Variants in KCNAB1 observed in about 807,000 individuals in gnomAD.
The protein encoded by KCNAB1 is potassium voltage-gated channel subfamily A regulatory beta subunit 1.
In KCNAB1, 35 loss-of-function variants were observed where a neutral mutation model predicts 64.6. The observed-to-expected ratio is 0.54, with a 90% CI of 0.41 to 0.72. The LOEUF (loss-of-function observed/expected upper bound fraction) is 0.72, where lower values mean the gene tolerates loss of function less well. KCNAB1 is among the 30% of genes least tolerant of loss of function. The pLI, the probability that KCNAB1 is intolerant of heterozygous loss-of-function variation, is 0.00. For synonymous variants in KCNAB1, 177 were observed against 183.8 expected (o/e 0.96, Z 0.30); for missense variants, 401 against 512.9 (o/e 0.78, Z 2.11).
At chr3:156,148,778 G>A (rs920169153) in intron 1 of KCNAB1, among the ~76,000 whole-genome samples, 1 of 151,884 alleles carries the variant, frequency 6.6e-6, no homozygotes, top group Non-Finnish European at 1.5e-5. Context: ...TAGAGGGACA[G>A]AAAATAAACA....
intron 1 of KCNAB1, among the ~76,000 whole-genome samples, chr3:156,226,244 G>A (rs1403822666): frequency 6.6e-6 from 1 of 152,150 alleles, no homozygotes; most frequent in East Asian, 1.9e-4. Context: ...ACAGAATAGA[G>A]AACCCAGAAA....
At chr3:156,348,587 G>A (rs1331687939) in intron 1 of KCNAB1, among the ~76,000 whole-genome samples, 10 of 152,196 alleles carry the variant, frequency 6.6e-5, no homozygotes, top group Admixed American at 5.2e-4. Flanking sequence ...GACATGTAAG[G>A]TTTGAGATAA....
chr3:156,518,177 A>G (rs944203104), intron 11 of KCNAB1, among the ~76,000 whole-genome samples: 18 of 152,210 alleles, frequency 1.2e-4, no homozygotes, highest in African/African-American at 4.1e-4. Context: ...AAATATTTCT[A>G]TTGGTGACTT....
chr3:156,482,526 A>C (rs1714898687), intron 8 of KCNAB1, among the ~76,000 whole-genome samples: 1 of 151,774 alleles, frequency 6.6e-6, no homozygotes, highest in Non-Finnish European at 1.5e-5. Context: ...AGTTAGGATG[A>C]CCTAATAGGA....
chr3:156,140,434 T>C (rs58648106), intron 1 of KCNAB1, among the ~76,000 whole-genome samples: 1 of 152,152 alleles, frequency 6.6e-6, no homozygotes. Flanking sequence ...CTCTTCCCGG[T>C]TGAAGGGCCG....
chr3:156,523,112 A>T (rs1347251636), intron 11 of KCNAB1, among the ~76,000 whole-genome samples: 1 of 152,204 alleles, frequency 6.6e-6, no homozygotes, highest in Non-Finnish European at 1.5e-5. Flanking sequence ...GATCAGGGTC[A>T]GTTTCTTCTC....
At chr3:156,526,320 G>A (rs772157359) in intron 12 of KCNAB1, among the ~76,000 whole-genome samples, 16 of 152,160 alleles carry the variant, frequency 1.1e-4, no homozygotes, top group Non-Finnish European at 1.3e-4. Flanking sequence ...GCTATGGGAT[G>A]CATAACTGTA....
chr3:156,492,501 C>T (rs190989363), intron 8 of KCNAB1, among the ~76,000 whole-genome samples: 152 of 152,108 alleles, frequency 1.0e-3, no homozygotes, highest in Middle Eastern at 3.4e-3. Context: ...GAGAAGTACC[C>T]AGCCAATCCT....
chr3:156,419,521 AAAAAG>A (rs1468729984), intron 1 of KCNAB1, among the ~76,000 whole-genome samples: 2 of 151,872 alleles, frequency 1.3e-5, no homozygotes, highest in African/African-American at 2.4e-5. Flanking sequence ...AAAAAAAAAA[AAAAAG>A]AAAGAAAAGA....
chr3:156,349,852 A>T (rs1231919129), intron 1 of KCNAB1, among the ~76,000 whole-genome samples: 4 of 152,350 alleles, frequency 2.6e-5, no homozygotes, highest in Admixed American at 6.5e-5. Context: ...GGCATAAGCC[A>T]CTGTGCTCAG....
At chr3:156,230,094 G>A (rs368473050) in intron 1 of KCNAB1, among the ~76,000 whole-genome samples, 1 of 152,150 alleles carries the variant, frequency 6.6e-6, no homozygotes, top group South Asian at 2.1e-4. Flanking sequence ...ACAATACTTA[G>A]AATTGTTATC....
chr3:156,418,421 AACTC>A (rs1715241015), intron 1 of KCNAB1, among the ~76,000 whole-genome samples: 1 of 152,248 alleles, frequency 6.6e-6, no homozygotes, highest in East Asian at 1.9e-4. Context: ...CAAGCTGCTG[AACTC>A]ATTAGATCAA....
chr3:156,412,736 GAGCT>G (rs150485078), intron 1 of KCNAB1, among the ~76,000 whole-genome samples: 4,603 of 152,290 alleles, frequency 0.03, 105 homozygotes, highest in African/African-American at 0.063. Flanking sequence ...AGCAGGCCAG[GAGCT>G]AGCTATCTGT....
At chr3:156,241,319 C>T (rs1717150460) in intron 1 of KCNAB1, among the ~76,000 whole-genome samples, 1 of 152,190 alleles carries the variant, frequency 6.6e-6, no homozygotes, top group African/African-American at 2.4e-5. Context: ...TTTCTCAACA[C>T]AATGTTTTAT....
At chr3:156,175,866 C>A in intron 1 of KCNAB1, 1 of 719,196 alleles carries the variant, frequency 1.4e-6, no homozygotes, top group South Asian at 1.4e-5. Flanking sequence ...TTCCATATCC[C>A]AACAGTCTCT....
intron 1 of KCNAB1, among the ~76,000 whole-genome samples, chr3:156,308,761 A>G (rs1163385712): frequency 6.6e-6 from 1 of 152,236 alleles, no homozygotes; most frequent in Non-Finnish European, 1.5e-5. Context: ...CACTGACTTT[A>G]GCATTCTGGC....
At chr3:156,355,462 G>T (rs186661672) in intron 1 of KCNAB1, among the ~76,000 whole-genome samples, 2 of 152,176 alleles carry the variant, frequency 1.3e-5, no homozygotes, top group African/African-American at 4.8e-5. Flanking sequence ...CACTCCATTT[G>T]CCTGCTTGCA....
At chr3:156,284,094 GT>G (rs1448344582) in intron 1 of KCNAB1, among the ~76,000 whole-genome samples, 28 of 152,032 alleles carry the variant, frequency 1.8e-4, no homozygotes, top group Middle Eastern at 3.4e-3. Flanking sequence ...CATCTTTGTG[GT>G]TTTTATCTAC....
chr3:156,227,524 T>G (rs1248433590), intron 1 of KCNAB1, among the ~76,000 whole-genome samples: 4 of 152,202 alleles, frequency 2.6e-5, no homozygotes, highest in African/African-American at 9.6e-5. Context: ...ATATGCAAAT[T>G]AGTATACGAT....
Sources: allele counts gnomAD v4.1 joint callset (sites outside exome capture counted in the v4.1 genomes callset), GRCh38; gene constraint gnomAD v4.1.1; transcripts MANE v1.5; gene names NCBI Gene and HGNC (gene_info 2026-07-23, HGNC 2026-07-21).